The following CUX2 variants were observed in gnomAD, a reference collection of about 807,000 sequenced individuals.
The protein encoded by CUX2 is cut like homeobox 2.
CUX2 carries 40 observed loss-of-function variants against 144.8 expected under a neutral mutation model. That is an observed-to-expected ratio of 0.28 (90% CI 0.21 to 0.36). The LOEUF is 0.36. CUX2 is among the 10% of genes least tolerant of loss of function. The pLI is 1.00. For missense variants in CUX2, 1,615 were observed against 1,994.0 expected (o/e 0.81, Z 3.62); for synonymous variants, 827 against 875.6 (o/e 0.94, Z 0.98).
intron 1 of CUX2, among the ~76,000 whole-genome samples, chr12:111,166,328 A>G (rs1218771990): frequency 1.3e-5 from 2 of 152,190 alleles, no homozygotes; most frequent in African/African-American, 2.4e-5. Flanking sequence ...AGCCTGCGAC[A>G]TTTATTTTAA....
intron 1 of CUX2, among the ~76,000 whole-genome samples, chr12:111,042,429 G>A (rs1051990717): frequency 6.6e-6 from 1 of 152,072 alleles, no homozygotes; most frequent in Non-Finnish European, 1.5e-5. Flanking sequence ...TGTGGTGTGA[G>A]CTGCGGAATC....
chr12:111,296,709 C>T (rs112735553), intron 8 of CUX2, among the ~76,000 whole-genome samples, 170 bp downstream of exon 8: 22 of 136,870 alleles, frequency 1.6e-4, no homozygotes, highest in East Asian at 4.9e-4. Context: ...GACACGCCTC[C>T]ACCCTCTGGC....
At chr12:111,335,945 C>T (rs2136436463) in intron 19 of CUX2, among the ~76,000 whole-genome samples, 1 of 152,156 alleles carries the variant, frequency 6.6e-6, no homozygotes, top group Admixed American at 6.5e-5. Context: ...ACAAAAGTGC[C>T]CACGGTGAGA....
At chr12:111,329,256 C>T (rs1887981142) in intron 18 of CUX2, among the ~76,000 whole-genome samples, 1 of 151,370 alleles carries the variant, frequency 6.6e-6, no homozygotes, top group Admixed American at 6.6e-5. Context: ...CCCCAGCTGC[C>T]CACAGCCCTG....
Position 111,320,634 on chromosome 12 carries a change from C to A in CUX2, c.2625C>A (p.Thr875=), listed in dbSNP as rs1327593599. 10 of 1,594,392 alleles carry A rather than the reference C, an allele frequency of 6.3e-6. No homozygotes were observed. Among genetic ancestry groups the A allele is most frequent in the Non-Finnish European group, 7.6e-6 (9 of 1,178,026 alleles). ...ACTACCCGGCCTACGTGCCGCGCAC[C>A]CTGAAGCCCACCGTGCCGCCGCTGA... is the stretch of plus-strand genomic sequence containing the variant. ...LPYYPAYVPR[T]LKPTVPPLTP... The change falls in exon 17 of 22, where the codon ACC becomes ACA. Residue 875 remains threonine (T), a synonymous_variant. Transcript: ENST00000261726. This position sits in a 1 kb window ranked among gnomAD's most constrained non-coding sequence, Gnocchi z 8.1.
intron 1 of CUX2, among the ~76,000 whole-genome samples, chr12:111,181,860 T>C (rs1420609389): frequency 1.3e-5 from 2 of 152,256 alleles, no homozygotes; most frequent in Non-Finnish European, 2.9e-5. Context: ...ATCCTCACTC[T>C]TATTTCCAGT....
chr12:111,331,774 T>C (rs1267446422), intron 18 of CUX2, among the ~76,000 whole-genome samples: 12 of 151,968 alleles, frequency 7.9e-5, no homozygotes, highest in Admixed American at 7.9e-4. Flanking sequence ...TCACACAAAA[T>C]GTCTTTTGAA....
At chr12:111,204,610 G>A (rs188043965) in intron 1 of CUX2, among the ~76,000 whole-genome samples, 11 of 152,306 alleles carry the variant, frequency 7.2e-5, no homozygotes, top group Non-Finnish European at 1.3e-4. Context: ...CTTCCTCGCC[G>A]TGTGATGTGG....
In CUX2 at chr12:111,077,286, G is replaced by A. The variant is rs778461701; in HGVS notation, c.63+43046G>A. ...TGAAAGAGGCCTTTCCTTGAAACGC[G>A]CAGCCGTGTGGCAGGGCCCGGGAAG... is the stretch of plus-strand genomic sequence containing the variant. On this transcript the variant is annotated intron_variant, in intron 1 of 21. Coordinates refer to ENST00000261726, the MANE Select transcript of CUX2 (RefSeq NM_015267.4). This position sits in a 1 kb window ranked among gnomAD's most constrained non-coding sequence, Gnocchi z 4.1. 4.1e-4 allele frequency among the ~76,000 whole-genome samples: 63 copies of A among 152,160 alleles called. No homozygotes were observed. The highest frequency in any genetic ancestry group is 3.2e-3 in the Middle Eastern group (1 of 316).
At chr12:111,098,203 T>C (rs756433754) in intron 1 of CUX2, among the ~76,000 whole-genome samples, 5 of 152,048 alleles carry the variant, frequency 3.3e-5, no homozygotes, top group Admixed American at 3.3e-4. Context: ...AGTTCAAGAC[T>C]AGGCTGGACA....
intron 1 of CUX2, among the ~76,000 whole-genome samples, chr12:111,062,126 T>C (rs1272679740): frequency 6.6e-6 from 1 of 152,226 alleles, no homozygotes; most frequent in Non-Finnish European, 1.5e-5. Flanking sequence ...CCATGCTTAG[T>C]GTATACTGGG....
chr12:111,300,487 A>AT (rs1886237000), intron 9 of CUX2, among the ~76,000 whole-genome samples: 1 of 152,122 alleles, frequency 6.6e-6, no homozygotes, highest in Non-Finnish European at 1.5e-5. Flanking sequence ...TTCCCCGTCT[A>AT]TATCTTTGAG....
intron 20 of CUX2, among the ~76,000 whole-genome samples, chr12:111,339,269 C>T (rs1429076572): frequency 6.6e-6 from 1 of 152,126 alleles, no homozygotes; most frequent in Middle Eastern, 3.4e-3. Context: ...CCTAACACCC[C>T]ATCTCTTGTT....
chr12:111,312,062 A>G lies in CUX2; in HGVS notation c.1901-38A>G. On this transcript the variant is annotated intron_variant, in intron 15 of 21. Coordinates refer to ENST00000261726, the MANE Select transcript of CUX2 (RefSeq NM_015267.4). The surrounding 1 kb of genome is among the most constrained non-coding windows in gnomAD (Gnocchi z 4.3). ...CCAGGCTCCGGAGACTGAGCCCAACATGCAGATCCTGCCACAGATGCCTTC... is the reference window on the plus strand; with the variant it reads ...CCAGGCTCCGGAGACTGAGCCCAACGTGCAGATCCTGCCACAGATGCCTTC... 2 of 1,579,816 alleles carry G rather than the reference A, an allele frequency of 1.3e-6. No homozygotes were observed. The highest frequency in any genetic ancestry group is 1.3e-5 in the African/African-American group (1 of 74,242).
rs763292352 is a variant in CUX2, at chr12:111,334,522, G to A, written c.3008G>A (p.Ser1003Asn). 2.1e-5 allele frequency: 34 copies of A among 1,613,746 alleles called. No homozygotes were observed. In the South Asian group the frequency reaches 2.4e-4, roughly 11 times the overall value. Reference sequence around the variant, plus strand: ...GAGAAGAGCTCCCAGGAGCCGTTGAGCCTGTCCCTGGAGAGCAGCAAGGAG... The same window carrying A: ...GAGAAGAGCTCCCAGGAGCCGTTGAACCTGTCCCTGGAGAGCAGCAAGGAG... ...EPEKSSQEPL[S>N]LSLESSKENQ... The change falls in exon 19 of 22, where the codon AGC becomes AAC. Residue 1003 changes from serine (S) to asparagine (N), a missense_variant. This residue lies in a region of CUX2 where 128 missense variants were observed against 124.4 expected (regional missense o/e 1.03). Coordinates refer to ENST00000261726, the MANE Select transcript of CUX2 (RefSeq NM_015267.4).
intron 1 of CUX2, among the ~76,000 whole-genome samples, chr12:111,116,088 T>C (rs1461955409): frequency 6.6e-6 from 1 of 152,242 alleles, no homozygotes; most frequent in Non-Finnish European, 1.5e-5. Flanking sequence ...CCTGCTGATA[T>C]GCATTATATG....
intron 3 of CUX2, among the ~76,000 whole-genome samples, chr12:111,232,154 C>T (rs994013834): frequency 4.0e-5 from 6 of 151,620 alleles, no homozygotes; most frequent in East Asian, 3.9e-4. Flanking sequence ...TGCAGTGAGC[C>T]GAGATCGCGC....
At chr12:111,274,695 G>A (rs531241333) in intron 4 of CUX2, among the ~76,000 whole-genome samples, 11 of 152,270 alleles carry the variant, frequency 7.2e-5, no homozygotes, top group Admixed American at 2.6e-4. Context: ...AGTTAGTCTC[G>A]CTGCCACCAT....
chr12:111,320,595 C>G lies in CUX2; in HGVS notation c.2586C>G (p.Gly862=). The G allele has an allele frequency of 6.5e-7, 1 of 1,531,764 alleles. No homozygotes were observed. The highest frequency in any genetic ancestry group is 8.7e-7 in the Non-Finnish European group (1 of 1,147,816). The allele number at this position is 1,531,764 out of a possible 1,614,324, so 94.9% of individuals were successfully genotyped here. A position where few individuals can be genotyped will look rare whatever the true frequency, so the allele number is the denominator to read the frequency against. The part of the protein sequence containing the change: ...LKAEGATAEA[G]ARLPYYPAYV... ...CTGAGGGCGCGACGGCCGAGGCGGG[C>G]GCGCGGCTGCCCTACTACCCGGCCT... The change falls in exon 17 of 22, where the codon GGC becomes GGG. Residue 862 remains glycine, a synonymous_variant. Coordinates refer to ENST00000261726, the MANE Select transcript of CUX2 (RefSeq NM_015267.4). This position sits in a 1 kb window ranked among gnomAD's most constrained non-coding sequence, Gnocchi z 8.1.
Sources: gnomAD v4.1 joint callset for allele counts (sites outside exome capture counted in the v4.1 genomes callset) on GRCh38, gnomAD v4.1.1 for gene constraint, gnomAD v4.1.1 regional missense constraint, Gnocchi (gnomAD v3.1) non-coding constraint, MANE v1.5 for transcripts, NCBI Gene and HGNC (gene_info 2026-07-23, HGNC 2026-07-21) for gene names.